The following ROBO2 variants were observed in gnomAD, a reference collection of about 807,000 sequenced individuals.
ROBO2 encodes roundabout guidance receptor 2.
In ROBO2, 53 loss-of-function variants were observed where a neutral mutation model predicts 160.8. The ratio of observed to expected loss-of-function variants is 0.33; its 90% CI spans 0.26 to 0.41. The LOEUF (loss-of-function observed/expected upper bound fraction) is 0.41, where lower values mean the gene tolerates loss of function less well. Among genes scored for constraint, ROBO2 ranks in the 10% least tolerant of loss-of-function variants. The pLI is 1.00. For missense variants in ROBO2, 1,577 were observed against 1,722.4 expected, an observed-to-expected ratio of 0.92 and a Z score of 1.49; for synonymous variants, 664 against 611.7, an observed-to-expected ratio of 1.09 and a Z score of -1.26.
At chr3:76,304,761 T>TCTTC (rs2071249187) in intron 2 of ROBO2, among the ~76,000 whole-genome samples, 2 of 146,382 alleles carry the variant, frequency 1.4e-5, no homozygotes, top group African/African-American at 5.0e-5. Context: ...TTTCTTTCTT[T>TCTTC]CTTTCTTTCT....
intron 2 of ROBO2, among the ~76,000 whole-genome samples, chr3:76,904,443 A>G (rs956582237): frequency 2.6e-5 from 4 of 152,208 alleles, no homozygotes; most frequent in African/African-American, 9.7e-5. Flanking sequence ...ATATAATTGA[A>G]GTATTTTACT....
intron 2 of ROBO2, among the ~76,000 whole-genome samples, chr3:76,853,928 AG>A (rs1426055432): frequency 1.3e-5 from 2 of 151,810 alleles, no homozygotes; most frequent in African/African-American, 4.8e-5. Context: ...TATTCACCCA[AG>A]GCCCCTAACA....
intron 2 of ROBO2, among the ~76,000 whole-genome samples, chr3:76,328,827 C>A (rs772166623): frequency 3.0e-4 from 45 of 151,538 alleles, no homozygotes; most frequent in Non-Finnish European, 5.4e-4. Flanking sequence ...CCACCGCACT[C>A]CAGCCTGGGC....
intron 2 of ROBO2, among the ~76,000 whole-genome samples, chr3:76,329,993 T>C (rs2073357797): frequency 6.6e-6 from 1 of 152,192 alleles, no homozygotes; most frequent in South Asian, 2.1e-4. Context: ...TATATCTGAA[T>C]ACAGGAGTGT....
chr3:76,505,215 G>T (rs1236694999), intron 2 of ROBO2, among the ~76,000 whole-genome samples: 2 of 152,110 alleles, frequency 1.3e-5, no homozygotes, highest in African/African-American at 4.8e-5. Context: ...AATAAAAGGA[G>T]TACGACTGAT....
At chr3:76,597,475 T>A (rs1839053) in intron 2 of ROBO2, among the ~76,000 whole-genome samples, 1 of 151,922 alleles carries the variant, frequency 6.6e-6, no homozygotes, top group Non-Finnish European at 1.5e-5. Context: ...TGGAAGAGGA[T>A]ACATAAATGA....
Position 76,716,636 on chromosome 3 carries a change from A to G in ROBO2, c.110-381378A>G, listed in dbSNP as rs2093383746. Among the ~76,000 whole-genome samples the G allele has an allele frequency of 1.3e-5, 2 of 152,236 alleles. 1 individual carries two copies. The highest frequency in any genetic ancestry group is 1.3e-4 in the Admixed American group (2 of 15,274). ...AAATTATCTCTTATGTAAACTTCAA[A>G]TAAGCAAATTGGTTGTTTACCTAGC... On this transcript the variant is annotated intron_variant, in intron 2 of 26. Transcript: ENST00000487694.
At chr3:77,528,588 T>C (rs1290145943) in intron 6 of ROBO2, among the ~76,000 whole-genome samples, 1 of 151,620 alleles carries the variant, frequency 6.6e-6, no homozygotes, top group Non-Finnish European at 1.5e-5. Flanking sequence ...ATATCCCTTA[T>C]CCTCAGTGAC....
intron 2 of ROBO2, among the ~76,000 whole-genome samples, chr3:77,399,898 T>A (rs1232321118): frequency 6.6e-6 from 1 of 152,170 alleles, no homozygotes; most frequent in East Asian, 1.9e-4. Context: ...GTCATGGTGA[T>A]TCCACTGAAA....
At chr3:77,142,385 C>T (rs2150438827) in intron 2 of ROBO2, among the ~76,000 whole-genome samples, 1 of 152,300 alleles carries the variant, frequency 6.6e-6, no homozygotes, top group South Asian at 2.1e-4. Context: ...AGAACACGTA[C>T]ACTGACGTGC....
At chr3:76,249,624 C>T (rs1450838144) in intron 2 of ROBO2, among the ~76,000 whole-genome samples, 1 of 152,032 alleles carries the variant, frequency 6.6e-6, no homozygotes, top group Non-Finnish European at 1.5e-5. Context: ...TTAGCTATGC[C>T]ATGTTTGATG....
intron 2 of ROBO2, among the ~76,000 whole-genome samples, chr3:77,462,051 A>G (rs2082301150): frequency 6.6e-6 from 1 of 152,144 alleles, no homozygotes; most frequent in Non-Finnish European, 1.5e-5. Context: ...AAATAGATTT[A>G]TACACTCACA....
intron 2 of ROBO2, among the ~76,000 whole-genome samples, chr3:76,613,305 C>T (rs7652488): frequency 3.8e-4 from 58 of 152,138 alleles, no homozygotes; most frequent in African/African-American, 1.3e-3. Flanking sequence ...GATTACTATG[C>T]ATGCAAATGC....
intron 1 of ROBO2, among the ~76,000 whole-genome samples, chr3:77,056,264 C>G (rs2065731225): frequency 6.6e-6 from 1 of 152,096 alleles, no homozygotes; most frequent in Non-Finnish European, 1.5e-5. Flanking sequence ...TTTCTTGATC[C>G]ATTTGTGTAA....
intron 2 of ROBO2, among the ~76,000 whole-genome samples, chr3:77,285,452 C>T (rs2060519769): frequency 1.3e-5 from 2 of 152,196 alleles, no homozygotes; most frequent in African/African-American, 4.8e-5. Context: ...ATCTTTCTTT[C>T]CACAGCACCA....
intron 2 of ROBO2, among the ~76,000 whole-genome samples, chr3:76,334,608 A>T (rs983972503): frequency 6.6e-6 from 1 of 152,198 alleles, no homozygotes; most frequent in African/African-American, 2.4e-5. Context: ...TCACATAGGC[A>T]TAACAGGAAG....
chr3:75,909,000 C>T (rs1479405278), intron 1 of ROBO2, among the ~76,000 whole-genome samples: 2 of 152,206 alleles, frequency 1.3e-5, no homozygotes, highest in Non-Finnish European at 2.9e-5. Context: ...AATAGTCTTT[C>T]AGATTCCGTG....
chr3:76,962,261 G>A (rs905743623), intron 2 of ROBO2, among the ~76,000 whole-genome samples: 1 of 152,020 alleles, frequency 6.6e-6, no homozygotes, highest in Admixed American at 6.6e-5. Context: ...CTTGAACACA[G>A]GAGGTAGAGG....
At chr3:77,457,164 A>G (rs2081743972) in intron 2 of ROBO2, among the ~76,000 whole-genome samples, 1 of 152,164 alleles carries the variant, frequency 6.6e-6, no homozygotes, top group East Asian at 1.9e-4. Context: ...TAAAGATGTC[A>G]GGAGGTGGGC....
Sources: gnomAD v4.1 joint callset for allele counts (sites outside exome capture counted in the v4.1 genomes callset) on GRCh38, gnomAD v4.1.1 for gene constraint, MANE v1.5 for transcripts, NCBI Gene and HGNC (gene_info 2026-07-23, HGNC 2026-07-21) for gene names.